CRTC1: variants seen among roughly 807,000 people sequenced by gnomAD.
The protein encoded by CRTC1 is CREB-regulated transcription coactivator 1.
Under a neutral mutation model 66.1 loss-of-function variants are expected in CRTC1, and 18 were observed. The observed-to-expected ratio is 0.27, with a 90% CI of 0.19 to 0.40. The LOEUF (loss-of-function observed/expected upper bound fraction) is 0.40. Among genes scored for constraint, CRTC1 ranks in the 10% least tolerant of loss-of-function variants. The pLI, the probability that CRTC1 is intolerant of heterozygous loss-of-function variation, is 1.00. For missense variants in CRTC1, 669 were observed against 887.9 expected, an observed-to-expected ratio of 0.75 and a Z score of 3.13; for synonymous variants, 416 against 398.8, an observed-to-expected ratio of 1.04 and a Z score of -0.51.
intron 1 of CRTC1, among the ~76,000 whole-genome samples, chr19:18,708,104 G>A (rs886441091): frequency 6.6e-6 from 1 of 152,224 alleles, no homozygotes; most frequent in Admixed American, 6.5e-5. Flanking sequence ...GGTGCAAGAG[G>A]TGGGTAGGGA....
intron 1 of CRTC1, among the ~76,000 whole-genome samples, chr19:18,715,989 C>T (rs1375281389): frequency 6.6e-6 from 1 of 152,142 alleles, no homozygotes; most frequent in Non-Finnish European, 1.5e-5. Flanking sequence ...GTGCTGGCAG[C>T]GGTTGGCGGG....
At chr19:18,719,604 C>T (rs147237709) in intron 1 of CRTC1, among the ~76,000 whole-genome samples, 6 of 152,342 alleles carry the variant, frequency 3.9e-5, no homozygotes, top group African/African-American at 1.4e-4. Flanking sequence ...GGGGAGGCAG[C>T]GTCGAAAGAG....
At chr19:18,726,675 C>A (rs2053759794) in intron 1 of CRTC1, among the ~76,000 whole-genome samples, 2 of 152,168 alleles carry the variant, frequency 1.3e-5, no homozygotes, top group African/African-American at 4.8e-5. Context: ...CTCCTGTAAT[C>A]CCTGTACTTT....
At chr19:18,753,362 C>T in intron 5 of CRTC1, 138 bp from the exon 6 acceptor site, 1 of 607,210 alleles carries the variant, frequency 1.6e-6, no homozygotes, top group Non-Finnish European at 3.0e-6. Context: ...GTACAGTCCA[C>T]AGAAGTTCCC....
intron 1 of CRTC1, among the ~76,000 whole-genome samples, chr19:18,731,280 A>C (rs2053882600): frequency 6.6e-6 from 1 of 152,236 alleles, no homozygotes; most frequent in African/African-American, 2.4e-5. Flanking sequence ...TCCTGAGGCC[A>C]TGAGGGAGAG....
intron 1 of CRTC1, among the ~76,000 whole-genome samples, chr19:18,724,600 T>C (rs529287199): frequency 6.6e-6 from 1 of 151,418 alleles, no homozygotes; most frequent in East Asian, 2.0e-4. Context: ...TTCCTGCCTC[T>C]TCCAGCTTTC....
At chr19:18,698,472 G>A (rs945967987) in intron 1 of CRTC1, among the ~76,000 whole-genome samples, 2 of 150,064 alleles carry the variant, frequency 1.3e-5, no homozygotes, top group African/African-American at 4.9e-5. Flanking sequence ...TACTCAGCAG[G>A]CACTCAGCAG....
intron 6 of CRTC1, among the ~76,000 whole-genome samples, chr19:18,753,933 C>T (rs2054427613): frequency 6.6e-6 from 1 of 152,004 alleles, no homozygotes; most frequent in Non-Finnish European, 1.5e-5. Context: ...AACCCTGTCT[C>T]TACTAAAAAT....
At chr19:18,734,711 G>A (rs1037435255) in intron 1 of CRTC1, among the ~76,000 whole-genome samples, 1 of 152,170 alleles carries the variant, frequency 6.6e-6, no homozygotes, top group Non-Finnish European at 1.5e-5. Context: ...GATGCGGGAC[G>A]TCAGTCTCAG....
intron 1 of CRTC1, among the ~76,000 whole-genome samples, chr19:18,726,930 A>T (rs74180899): frequency 1.3e-5 from 1 of 74,134 alleles, no homozygotes; most frequent in Non-Finnish European, 2.3e-5. Flanking sequence ...CGTCTTGGGG[A>T]AAAAAAAAAA....
chr19:18,708,982 G>A (rs575442186), intron 1 of CRTC1, among the ~76,000 whole-genome samples: 20 of 152,308 alleles, frequency 1.3e-4, no homozygotes, highest in African/African-American at 4.1e-4. Flanking sequence ...CTCTAGGCCC[G>A]GGAGGAAGGC....
chr19:18,772,786 A>C (rs1409048349), intron 11 of CRTC1, among the ~76,000 whole-genome samples: 1 of 152,136 alleles, frequency 6.6e-6, no homozygotes, highest in African/African-American at 2.4e-5. Context: ...GTGTCTGCGC[A>C]TGCTTGGTCT....
intron 1 of CRTC1, among the ~76,000 whole-genome samples, chr19:18,706,881 GTTTTTC>G (rs1196872420): frequency 6.6e-6 from 1 of 151,978 alleles, no homozygotes; most frequent in Non-Finnish European, 1.5e-5. Context: ...AAATTGGGTT[GTTTTTC>G]TTTTTGTTGG....
intron 4 of CRTC1, among the ~76,000 whole-genome samples, chr19:18,747,318 C>T (rs2054268689): frequency 6.6e-6 from 1 of 152,004 alleles, no homozygotes; most frequent in Non-Finnish European, 1.5e-5. Context: ...TCCCTTCCCC[C>T]CACTTATGAC....
In CRTC1 at chr19:18,765,543, TGGG is replaced by T; in HGVS notation, c.1011+19_1011+21del. 11 of 1,594,270 alleles carry T rather than the reference TGGG, an allele frequency of 6.9e-6. No homozygotes were observed. Among genetic ancestry groups the T allele is most frequent in the Non-Finnish European group, 9.4e-6 (11 of 1,173,386 alleles). On this transcript the variant is annotated intron_variant, in intron 9 of 13. Transcript: ENST00000321949. ...CCATCACTCAGGTGCGAGGGCAAGG[TGGG>T]GGGCAGGTGGGAGGGGGAAAGGGAA...
intron 1 of CRTC1, among the ~76,000 whole-genome samples, chr19:18,695,582 A>T (rs775623882): frequency 4.1e-4 from 62 of 151,934 alleles, no homozygotes; most frequent in African/African-American, 1.3e-3. Context: ...TACAGTACAC[A>T]CGGCCGGGTG....
intron 1 of CRTC1, among the ~76,000 whole-genome samples, chr19:18,719,639 C>T (rs1450590382): frequency 6.6e-6 from 1 of 152,248 alleles, no homozygotes; most frequent in Non-Finnish European, 1.5e-5. Context: ...GGGTTCAGCC[C>T]AGACCCCAAG....
At chr19:18,717,130 G>A (rs2053527780) in intron 1 of CRTC1, among the ~76,000 whole-genome samples, 1 of 152,202 alleles carries the variant, frequency 6.6e-6, no homozygotes, top group Non-Finnish European at 1.5e-5. Flanking sequence ...TGTGATGTCT[G>A]TACAGCCTCC....
chr19:18,730,566 T>C (rs2053864549), intron 1 of CRTC1, among the ~76,000 whole-genome samples: 1 of 152,050 alleles, frequency 6.6e-6, no homozygotes, highest in Non-Finnish European at 1.5e-5. Flanking sequence ...TCCCCGTCCC[T>C]CTGCAGTGAC....
Sources: allele counts gnomAD v4.1 joint callset (sites outside exome capture counted in the v4.1 genomes callset), GRCh38; gene constraint gnomAD v4.1.1; transcripts MANE v1.5; gene names NCBI Gene and HGNC (gene_info 2026-07-23, HGNC 2026-07-21).